The following RNF17 variants were observed in gnomAD, a reference collection of about 807,000 sequenced individuals.
RNF17 encodes ring finger protein 17.
Under a neutral mutation model 200.5 loss-of-function variants are expected in RNF17, and 31 were observed. The observed-to-expected ratio is 0.15, with a 90% CI of 0.12 to 0.21. The LOEUF (loss-of-function observed/expected upper bound fraction) is 0.21. Ranked by LOEUF, RNF17 falls within the 10% of genes least tolerant of loss-of-function variation. The pLI is 1.00. For synonymous variants in RNF17, 606 were observed against 637.8 expected (o/e 0.95, Z 0.75); for missense variants, 1,628 against 1,905.1 (o/e 0.85, Z 2.71).
At chr13:24,769,719 A>G (rs1442512920) in intron 2 of RNF17, among the ~76,000 whole-genome samples, 2 of 152,236 alleles carry the variant, frequency 1.3e-5, no homozygotes, top group East Asian at 3.8e-4. Flanking sequence ...AGATTCCTGT[A>G]TTCACGTTAG....
At chr13:24,845,138 C>T in intron 22 of RNF17, 59 bp downstream of exon 22, 1 of 891,646 alleles carries the variant, frequency 1.1e-6, no homozygotes, top group Non-Finnish European at 1.8e-6. Flanking sequence ...GCGTTCTCGT[C>T]AGTTTTAATT....
At chr13:24,788,921 C>T (rs1298577161) in intron 7 of RNF17, among the ~76,000 whole-genome samples, 1 of 152,112 alleles carries the variant, frequency 6.6e-6, no homozygotes, top group Non-Finnish European at 1.5e-5. Flanking sequence ...TGCCATGACC[C>T]TACTTGGCTA....
intron 2 of RNF17, among the ~76,000 whole-genome samples, chr13:24,770,290 G>A (rs1193361475): frequency 6.6e-6 from 1 of 152,030 alleles, no homozygotes; most frequent in Non-Finnish European, 1.5e-5. Flanking sequence ...AGCAACAAAA[G>A]CAGGCAAAAC....
At chr13:24,787,889 T>C (rs1883329402) in intron 6 of RNF17, 99 bp from the exon 7 acceptor site, 2 of 882,422 alleles carry the variant, frequency 2.3e-6, no homozygotes, top group East Asian at 5.5e-5. Context: ...TATGTAAAAT[T>C]CATCAACTAC....
At chr13:24,778,860 C>T (rs1377725327) in intron 4 of RNF17, among the ~76,000 whole-genome samples, 2 of 152,160 alleles carry the variant, frequency 1.3e-5, no homozygotes, top group African/African-American at 4.8e-5. Flanking sequence ...AGAAATAGAA[C>T]AAACTCCAAA....
At chr13:24,833,198 C>G (rs1889609755) in intron 18 of RNF17, among the ~76,000 whole-genome samples, 1 of 152,140 alleles carries the variant, frequency 6.6e-6, no homozygotes, top group African/African-American at 2.4e-5. Context: ...TTTACTGTGT[C>G]CATGCCTTTC....
chr13:24,749,307 C>CTTTTTTTTTTTTTTTTT, the RNF17 span, among the ~76,000 whole-genome samples: 27 of 108,030 alleles, frequency 2.5e-4, 1 homozygote, highest in South Asian at 6.5e-4. Flanking sequence ...TTCTTTCTTT[C>CTTTTTTTTTTTTTTTTT]TTTTTTTTTT....
At chr13:24,800,737 A>G (rs1885148053) in intron 13 of RNF17, among the ~76,000 whole-genome samples, 1 of 152,216 alleles carries the variant, frequency 6.6e-6, no homozygotes, top group African/African-American at 2.4e-5. Context: ...AATGGAGTTG[A>G]ATAAGCATAT....
chr13:24,844,897 AGTTTGCC>A, intron 21 of RNF17, 57 bp from the exon 22 acceptor site: 1 of 1,552,918 alleles, frequency 6.4e-7, no homozygotes, highest in South Asian at 1.2e-5. Context: ...TGAGTTTTTC[AGTTTGCC>A]AAAAAAATAT....
intron 2 of RNF17, among the ~76,000 whole-genome samples, chr13:24,772,559 G>C (rs2137492690): frequency 6.6e-6 from 1 of 150,384 alleles, no homozygotes; most frequent in South Asian, 2.1e-4. Context: ...AGCAGGAAAA[G>C]AAACAGATAA....
chr13:24,848,449 G>A (rs1231016761), intron 22 of RNF17, among the ~76,000 whole-genome samples: 1 of 152,114 alleles, frequency 6.6e-6, no homozygotes, highest in African/African-American at 2.4e-5. Context: ...ATCACTTGAG[G>A]TCAGGAGTTT....
intron 5 of RNF17, among the ~76,000 whole-genome samples, chr13:24,780,825 T>C (rs1264836690): frequency 6.6e-6 from 1 of 152,022 alleles, no homozygotes; most frequent in African/African-American, 2.4e-5. Context: ...GAGGTTGCAG[T>C]GAGCCAAGAT....
Position 24,789,413 on chromosome 13 carries a change from G to A in RNF17, c.849G>A (p.Arg283=). Residue 283 remains arginine, a synonymous_variant, in exon 8 of 36, where the codon AGG becomes AGA. Coordinates refer to ENST00000255324, the MANE Select transcript of RNF17 (RefSeq NM_031277.3). ...CACAAGTTAGTTCTCCACAACTAAG[G>A]AACCCTCCCAGGTAAGTAAGTCATA... The part of the protein sequence containing the change: ...ELAQVSSPQL[R]NPPRLSVNCS... 6.3e-7 allele frequency: 1 copy of A among 1,598,160 alleles called. No homozygotes were observed. The highest frequency in any genetic ancestry group is 1.3e-5 in the African/African-American group (1 of 74,708).
downstream of RNF17, among the ~76,000 whole-genome samples, chr13:24,883,650 C>A (rs1953930076): frequency 6.6e-6 from 1 of 152,112 alleles, no homozygotes; most frequent in African/African-American, 2.4e-5. Flanking sequence ...TTAAAAGGGA[C>A]CCTTCTTTCA....
intron 15 of RNF17, among the ~76,000 whole-genome samples, chr13:24,816,770 A>T (rs1424488959): frequency 1.2e-4 from 18 of 152,198 alleles, no homozygotes; most frequent in Admixed American, 1.2e-3. Flanking sequence ...CACAGGTCGG[A>T]CAAGAACCAC....
chr13:24,759,039 C>T, the RNF17 span, among the ~76,000 whole-genome samples: 1 of 139,282 alleles, frequency 7.2e-6, no homozygotes, highest in African/African-American at 2.7e-5. Context: ...GAGATCGTGC[C>T]ACTGCACTCC....
At chr13:24,820,202 G>A (rs1167753968) in intron 15 of RNF17, among the ~76,000 whole-genome samples, 3 of 148,648 alleles carry the variant, frequency 2.0e-5, no homozygotes, top group Non-Finnish European at 4.4e-5. Flanking sequence ...GCTCACTGCA[G>A]TCTCTGCCTC....
intron 25 of RNF17, among the ~76,000 whole-genome samples, chr13:24,856,732 C>T (rs1201288698): frequency 6.6e-6 from 1 of 152,200 alleles, no homozygotes; most frequent in Non-Finnish European, 1.5e-5. Flanking sequence ...TTTATCCCTA[C>T]ACCAATACCA....
chr13:24,775,236 T>C (rs1207891966), intron 3 of RNF17, among the ~76,000 whole-genome samples: 1 of 152,196 alleles, frequency 6.6e-6, no homozygotes, highest in African/African-American at 2.4e-5. Context: ...TTGATTCTTT[T>C]TAAAAATTTT....
Sources: gnomAD v4.1 joint callset for allele counts (sites outside exome capture counted in the v4.1 genomes callset) on GRCh38, gnomAD v4.1.1 for gene constraint, MANE v1.5 for transcripts, NCBI Gene and HGNC (gene_info 2026-07-23, HGNC 2026-07-21) for gene names.